Variants in ROCK1 observed in about 807,000 individuals in gnomAD.
ROCK1 encodes rho-associated protein kinase 1.
ROCK1 carries 36 observed loss-of-function variants against 196.8 expected under a neutral mutation model. The observed-to-expected ratio is 0.18, with a 90% CI of 0.14 to 0.24. The LOEUF (loss-of-function observed/expected upper bound fraction) is 0.24. Ranked by LOEUF, ROCK1 falls within the 10% of genes least tolerant of loss-of-function variation. ROCK1 has a pLI of 1.00. For missense variants in ROCK1, 920 were observed against 1,562.0 expected, an observed-to-expected ratio of 0.59 and a Z score of 6.93; for synonymous variants, 443 against 515.9, an observed-to-expected ratio of 0.86 and a Z score of 1.91.
At chr18:20,991,861 T>C (rs2035629314) in intron 17 of ROCK1, among the ~76,000 whole-genome samples, 1 of 151,798 alleles carries the variant, frequency 6.6e-6, no homozygotes. Flanking sequence ...TATTCTCAAA[T>C]TCCTGGGCTC....
intron 1 of ROCK1, among the ~76,000 whole-genome samples, chr18:21,085,285 T>C (rs1461924760): frequency 3.1e-5 from 4 of 129,000 alleles, no homozygotes; most frequent in African/African-American, 6.1e-5. Flanking sequence ...CTCAGGAAAG[T>C]GAAGTGGGAG....
At chr18:21,080,576 C>T (rs1173345927) in intron 1 of ROCK1, among the ~76,000 whole-genome samples, 1 of 152,032 alleles carries the variant, frequency 6.6e-6, no homozygotes, top group African/African-American at 2.4e-5. Flanking sequence ...ACAAAAACAC[C>T]ATGATCCAAC....
chr18:20,968,174 GA>G (rs2035391833), intron 25 of ROCK1, among the ~76,000 whole-genome samples: 1 of 152,148 alleles, frequency 6.6e-6, no homozygotes, highest in South Asian at 2.1e-4. Flanking sequence ...ACCCAGTACT[GA>G]ATCAAGAGTA....
Position 21,111,338 on chromosome 18 carries a change from G to A in ROCK1, c.-428C>T, listed in dbSNP as rs113372301. ...CAACAAGGGAGGGAGAAGAGGAAAG[G>A]CGAAAGCAAAGGGCGGGTGAGGAGC... On this transcript the variant is annotated 5_prime_UTR_variant, in exon 1 of 33. Transcript: ENST00000399799. The surrounding 1 kb of genome is among the most constrained non-coding windows in gnomAD (Gnocchi z 4.2). 3.4e-3 allele frequency: 1,525 copies of A among 445,802 alleles called. 12 individuals carry two copies. Among genetic ancestry groups the A allele is most frequent in the Non-Finnish European group, 2.8e-3 (716 of 254,720 alleles). The allele number at this position is 445,802 out of a possible 1,614,324, so 27.6% of individuals were successfully genotyped here.
rs745854023 is a variant in ROCK1 at position 20,955,150 on chromosome 18, T to G, written c.3591+17A>C. ...TTAGGACTTAGATTCTTTAAAATTATAACTTCAGATTTTTACCTGGAATAT... is the reference window on the plus strand; with the variant it reads ...TTAGGACTTAGATTCTTTAAAATTAGAACTTCAGATTTTTACCTGGAATAT... On this transcript the variant is annotated intron_variant, in intron 30 of 32. Transcript: ENST00000399799. The G allele has an allele frequency of 4.2e-5, 65 of 1,532,786 alleles. No homozygotes were observed. The highest frequency in any genetic ancestry group is 1.5e-5 in the Non-Finnish European group (17 of 1,141,364). The allele number at this position is 1,532,786 out of a possible 1,614,324, so 94.9% of individuals were successfully genotyped here.
chr18:21,025,954 G>A (rs540859410), intron 10 of ROCK1, among the ~76,000 whole-genome samples: 2 of 152,226 alleles, frequency 1.3e-5, no homozygotes, highest in African/African-American at 4.8e-5. Context: ...ATAATCAAGT[G>A]CATGATAATG....
At chr18:20,963,673 C>T (rs2035347216) in intron 27 of ROCK1, among the ~76,000 whole-genome samples, 1 of 152,134 alleles carries the variant, frequency 6.6e-6, no homozygotes, top group Non-Finnish European at 1.5e-5. Context: ...TTTCTACATT[C>T]TCTTCAGATG....
intron 16 of ROCK1, among the ~76,000 whole-genome samples, chr18:21,003,218 C>A (rs1232963935): frequency 1.3e-5 from 2 of 152,032 alleles, no homozygotes; most frequent in African/African-American, 4.8e-5. Flanking sequence ...TGAACAGGAG[C>A]CACTCACAGG....
chr18:21,042,352 A>G (rs2036114402), intron 7 of ROCK1, 117 bp from the exon 8 acceptor site: 9 of 1,031,584 alleles, frequency 8.7e-6, no homozygotes, highest in Non-Finnish European at 1.2e-5. Context: ...ATTAAACTAA[A>G]AACATACACC....
chr18:21,033,672 T>C (rs1011621153), intron 9 of ROCK1, among the ~76,000 whole-genome samples: 2 of 151,536 alleles, frequency 1.3e-5, no homozygotes, highest in Non-Finnish European at 2.9e-5. Context: ...TCTACTTCTA[T>C]ATACTAGCAA....
intron 1 of ROCK1, among the ~76,000 whole-genome samples, chr18:21,090,203 T>A (rs1042333641): frequency 6.6e-6 from 1 of 152,186 alleles, no homozygotes; most frequent in Non-Finnish European, 1.5e-5. Flanking sequence ...TTTCATCACA[T>A]CTGTAACCCC....
At chr18:21,091,995 T>C (rs2036574381) in intron 1 of ROCK1, among the ~76,000 whole-genome samples, 1 of 151,894 alleles carries the variant, frequency 6.6e-6, no homozygotes, top group African/African-American at 2.4e-5. Context: ...ATAAATAAAA[T>C]AAAAAACTGT....
Position 21,015,450 on chromosome 18 carries a change from AT to A in ROCK1, c.1390del (p.Met464Ter). On this transcript the variant is annotated frameshift_variant, in exon 13 of 33. Transcript: ENST00000399799. LOFTEE classifies it high-confidence loss of function. ...RTSNIKLDKIMKELDEEGNQR... is the reference protein window; with the variant it reads ...RTSNIKLDKIXKELDEEGNQR... ...AAGTACCTCTTCATCCAATTCTTTC[AT>A]TATCTTGTCTAGTTTTATGTTTGAG... 1 of 1,567,212 alleles carries A rather than the reference AT, an allele frequency of 6.4e-7. No homozygotes were observed. The highest frequency in any genetic ancestry group is 1.1e-5 in the South Asian group (1 of 88,678).
At position 21,063,390 on chromosome 18, in the gene ROCK1, CA is replaced by C. The variant is rs572370841; in HGVS notation, c.175+7141del. ...CCTAGATAACCAAGAGGTTAGGGAA[CA>C]AAAATGAAGGCTTATTTGAAATTTA... On this transcript the variant is annotated intron_variant, in intron 2 of 32. Coordinates refer to ENST00000399799, the MANE Select transcript of ROCK1 (RefSeq NM_005406.3). Among the ~76,000 whole-genome samples, 43 of 152,136 alleles carry C rather than the reference CA, an allele frequency of 2.8e-4. 1 individual carries two copies. In the East Asian group the frequency reaches 8.1e-3, roughly 29 times the overall value.
At chr18:21,018,807 A>G (rs141955871) in intron 12 of ROCK1, among the ~76,000 whole-genome samples, 2,300 of 152,252 alleles carry the variant, frequency 0.015, 33 homozygotes, top group Non-Finnish European at 0.019. Flanking sequence ...AGTGTTCCCA[A>G]TTTTATTTGT....
At chr18:21,007,289 TA>T (rs2035776629) in intron 14 of ROCK1, among the ~76,000 whole-genome samples, 1 of 152,180 alleles carries the variant, frequency 6.6e-6, no homozygotes, top group African/African-American at 2.4e-5. Flanking sequence ...ACTCTTGTTT[TA>T]AACACAAGCA....
At chr18:21,056,868 T>C (rs2036248902) in intron 2 of ROCK1, among the ~76,000 whole-genome samples, 2 of 152,130 alleles carry the variant, frequency 1.3e-5, no homozygotes, top group African/African-American at 2.4e-5. Context: ...CTTCAGGCCT[T>C]TGCACTAGCT....
In ROCK1 at chr18:21,064,859, T is replaced by C. The variant is rs2036320749; in HGVS notation, c.175+5673A>G. Among the ~76,000 whole-genome samples the C allele has an allele frequency of 2.0e-5, 3 of 152,240 alleles. No homozygotes were observed. The South Asian group carries it at 6.2e-4, about 31-fold the overall frequency. ...TTGCTTTTGATTACATTTTCTAAGC[T>C]TGGAGCACGTGTCTAACTGCGCCCA... On this transcript the variant is annotated intron_variant, in intron 2 of 32. Transcript: ENST00000399799.
chr18:21,012,609 G>A (rs551986666), intron 13 of ROCK1, among the ~76,000 whole-genome samples: 2 of 152,004 alleles, frequency 1.3e-5, no homozygotes, highest in African/African-American at 4.8e-5. Context: ...GTCTTGGTGT[G>A]GATATCTTTG....
Sources: gnomAD v4.1 joint callset for allele counts (sites outside exome capture counted in the v4.1 genomes callset) on GRCh38, gnomAD v4.1.1 for gene constraint, Gnocchi (gnomAD v3.1) non-coding constraint, MANE v1.5 for transcripts, NCBI Gene and HGNC (gene_info 2026-07-23, HGNC 2026-07-21) for gene names.